Variants in PPM1D observed in about 807,000 individuals in gnomAD.
The protein encoded by PPM1D is protein phosphatase 1D.
PPM1D carries 52 observed loss-of-function variants against 58.3 expected under a neutral mutation model. The observed-to-expected ratio is 0.89, with a 90% CI of 0.71 to 1.12. PPM1D has a LOEUF of 1.12. Among genes scored for constraint, PPM1D ranks in the 50% most tolerant of loss-of-function variants. The pLI, the probability that PPM1D is intolerant of heterozygous loss-of-function variation, is 0.00. For synonymous variants in PPM1D, 278 were observed against 285.1 expected (o/e 0.98, Z 0.25); for missense variants, 564 against 777.2 (o/e 0.73, Z 3.26).
chr17:60,621,307 A>T (rs1350164349), intron 1 of PPM1D, among the ~76,000 whole-genome samples: 3 of 152,192 alleles, frequency 2.0e-5, no homozygotes, highest in East Asian at 3.8e-4. Context: ...AGACAAGGGT[A>T]CAATTTCATT....
At chr17:60,651,685 C>T (rs1032744086) in intron 4 of PPM1D, among the ~76,000 whole-genome samples, 1 of 151,986 alleles carries the variant, frequency 6.6e-6, no homozygotes, top group Non-Finnish European at 1.5e-5. Context: ...TGTGAACCAC[C>T]ATGCCAAGCC....
Position 60,633,834 on chromosome 17 carries a change from G to A in PPM1D, c.702-19G>A, listed in dbSNP as rs1278355301. 3.1e-6 allele frequency: 5 copies of A among 1,594,202 alleles called. No individual in the cohort carries two copies. Among genetic ancestry groups the A allele is most frequent in the Non-Finnish European group, 4.3e-6 (5 of 1,166,636 alleles). ...TATTTTAATCATTTAGATTATTTAT[G>A]TGAACTCTTTATTTTTAGTGTAATG... On this transcript the variant is annotated intron_variant, in intron 2 of 5. Transcript: ENST00000305921.
intron 2 of PPM1D, among the ~76,000 whole-genome samples, chr17:60,626,556 G>A (rs956718060): frequency 7.2e-5 from 11 of 151,778 alleles, no homozygotes; most frequent in African/African-American, 1.9e-4. Context: ...CACCACGCCC[G>A]GCTAATTTTT....
chr17:60,634,034 A>T (rs2030976938), intron 3 of PPM1D, 57 bp downstream of exon 3: 2 of 1,573,386 alleles, frequency 1.3e-6, no homozygotes, highest in Non-Finnish European at 1.7e-6. Flanking sequence ...ATATGGTGGC[A>T]AAATAAAAGA....
Position 60,647,749 on chromosome 17 carries a change from TATC to T in PPM1D, c.827-140_827-138del, listed in dbSNP as rs1317498300. On this transcript the variant is annotated intron_variant, in intron 3 of 5. Transcript: ENST00000305921. ...TTATTCTTAGTTTGCTAGGAAATCT[TATC>T]ATGAGAGGAGTTTGAATGTTATCAA... The T allele has an allele frequency of 2.3e-5, 17 of 751,832 alleles. No homozygotes were observed. In the Admixed American group the frequency reaches 5.7e-4, roughly 25 times the overall value. 46.6% of individuals were successfully genotyped at this position (751,832 alleles called of 1,614,324 possible).
At chr17:60,620,886 T>TC (rs1181030162) in intron 1 of PPM1D, among the ~76,000 whole-genome samples, 6 of 152,180 alleles carry the variant, frequency 3.9e-5, no homozygotes, top group Admixed American at 2.0e-4. Flanking sequence ...ATGTTTTTTT[T>TC]CTAGGAGTTT....
At position 60,600,462 on chromosome 17, in the gene PPM1D, C is replaced by A; in HGVS notation, c.48C>A (p.Gly16=). The A allele has an allele frequency of 6.4e-7, 1 of 1,571,604 alleles. No homozygotes were observed. The highest frequency in any genetic ancestry group is 1.9e-5 in the Admixed American group (1 of 52,888). Residue 16 remains glycine (G), a synonymous_variant, in exon 1 of 6, where the codon GGC becomes GGA. Transcript: ENST00000305921. ...GAGTGAGCGTCTTCTCCGACCAGGG[C>A]GGGAGGAAGTACATGGAGGACGTTA... ...SLGVSVFSDQ[G]GRKYMEDVTQ... is the part of the protein sequence containing the mutation.
intron 1 of PPM1D, among the ~76,000 whole-genome samples, chr17:60,612,444 G>A (rs2030478289): frequency 6.6e-6 from 1 of 152,104 alleles, no homozygotes; most frequent in Non-Finnish European, 1.5e-5. Flanking sequence ...TTGCTCCTAG[G>A]CTACAAACCT....
chr17:60,637,819 G>T (rs564364177), intron 3 of PPM1D, among the ~76,000 whole-genome samples: 4 of 152,264 alleles, frequency 2.6e-5, no homozygotes, highest in African/African-American at 9.6e-5. Flanking sequence ...GGATGTGAAT[G>T]GAAGAACAAG....
intron 1 of PPM1D, among the ~76,000 whole-genome samples, chr17:60,601,144 C>T (rs1233618235): frequency 2.0e-5 from 3 of 152,230 alleles, no homozygotes; most frequent in African/African-American, 7.2e-5. Context: ...GGAAGCAGTC[C>T]ACTCCCTTCC....
At chr17:60,613,846 C>G (rs1468892965) in intron 1 of PPM1D, among the ~76,000 whole-genome samples, 1 of 152,126 alleles carries the variant, frequency 6.6e-6, no homozygotes, top group Non-Finnish European at 1.5e-5. Flanking sequence ...TTAGCTGACT[C>G]CCCATGAGGC....
intron 1 of PPM1D, among the ~76,000 whole-genome samples, chr17:60,605,050 G>A (rs1296300487): frequency 6.6e-6 from 1 of 152,156 alleles, no homozygotes; most frequent in Non-Finnish European, 1.5e-5. Flanking sequence ...TTGAACTCTT[G>A]ACCTCAAGTG....
chr17:60,636,607 A>C (rs2031026380), intron 3 of PPM1D, among the ~76,000 whole-genome samples: 2 of 152,208 alleles, frequency 1.3e-5, no homozygotes, highest in Admixed American at 6.5e-5. Context: ...GTGTAAGTAA[A>C]GAGATGAGGC....
intron 1 of PPM1D, among the ~76,000 whole-genome samples, chr17:60,608,813 T>C (rs1168350194): frequency 6.6e-6 from 1 of 151,714 alleles, no homozygotes; most frequent in African/African-American, 2.4e-5. Flanking sequence ...AGTGGCGCTA[T>C]CTTGGCTCAC....
intron 3 of PPM1D, among the ~76,000 whole-genome samples, chr17:60,638,387 G>A (rs1205411851): frequency 6.7e-6 from 1 of 148,280 alleles, no homozygotes; most frequent in Non-Finnish European, 1.5e-5. Flanking sequence ...TTTTTTTTAT[G>A]AGATGGAATC....
intron 2 of PPM1D, among the ~76,000 whole-genome samples, chr17:60,632,165 G>A (rs968619550): frequency 6.6e-6 from 1 of 151,842 alleles, no homozygotes. Flanking sequence ...CTGCACTCCA[G>A]CCTGGGTGAC....
At chr17:60,629,845 C>T (rs2030884021) in intron 2 of PPM1D, among the ~76,000 whole-genome samples, 3 of 152,060 alleles carry the variant, frequency 2.0e-5, no homozygotes, top group South Asian at 4.1e-4. Flanking sequence ...CGAGACAAGC[C>T]GGGCCAACAT....
At chr17:60,634,262 A>G (rs563141550) in intron 3 of PPM1D, among the ~76,000 whole-genome samples, 17 of 152,248 alleles carry the variant, frequency 1.1e-4, no homozygotes, top group Non-Finnish European at 2.4e-4. Context: ...AAATACAAAA[A>G]TTAGCTGGGC....
intron 1 of PPM1D, among the ~76,000 whole-genome samples, chr17:60,619,023 T>C (rs1294781194): frequency 6.6e-6 from 1 of 152,232 alleles, no homozygotes; most frequent in Non-Finnish European, 1.5e-5. Flanking sequence ...TTGTGCTGTT[T>C]GACCAACATC....
Sources: gnomAD v4.1 joint callset for allele counts (sites outside exome capture counted in the v4.1 genomes callset) on GRCh38, gnomAD v4.1.1 for gene constraint, MANE v1.5 for transcripts, NCBI Gene and HGNC (gene_info 2026-07-23, HGNC 2026-07-21) for gene names.